Variants in MOB3B observed in about 807,000 individuals in gnomAD.
MOB3B encodes the protein MOB kinase activator 3B.
A neutral mutation model predicts 18.7 loss-of-function variants in MOB3B; 7 were observed. That is an observed-to-expected ratio of 0.37 (90% confidence interval 0.21 to 0.70). The LOEUF is 0.70. MOB3B is among the 30% of genes least tolerant of loss of function. The probability of loss-of-function intolerance (pLI) is 0.52; values close to 1 mark genes in which losing one functional copy is unlikely to be tolerated. For missense variants in MOB3B, 253 were observed against 281.3 expected (o/e 0.90, Z 0.72); for synonymous variants, 111 against 99.9 (o/e 1.11, Z -0.66).
intron 2 of MOB3B, among the ~76,000 whole-genome samples, chr9:27,426,269 T>A (rs1344881021): frequency 6.6e-6 from 1 of 152,216 alleles, no homozygotes; most frequent in African/African-American, 2.4e-5. Flanking sequence ...ACATTGAGTG[T>A]TACTCAAACC....
At chr9:27,454,595 A>T (rs1163753107) in intron 2 of MOB3B, among the ~76,000 whole-genome samples, 1 of 152,244 alleles carries the variant, frequency 6.6e-6, no homozygotes, top group African/African-American at 2.4e-5. Flanking sequence ...TATCCAGAAG[A>T]TACGCAAGGG....
intron 2 of MOB3B, among the ~76,000 whole-genome samples, chr9:27,422,394 G>A (rs186034001): frequency 1.3e-5 from 2 of 152,262 alleles, no homozygotes; most frequent in African/African-American, 4.8e-5. Flanking sequence ...GAGGCATTTG[G>A]TAAATGTGAA....
At chr9:27,503,156 T>C (rs537567241) in intron 1 of MOB3B, among the ~76,000 whole-genome samples, 1 of 152,090 alleles carries the variant, frequency 6.6e-6, no homozygotes, top group East Asian at 1.9e-4. Flanking sequence ...AGGAAGAACA[T>C]GACACACGTG....
Position 27,400,902 on chromosome 9 carries a change from T to C in MOB3B, c.419-41666A>G, listed in dbSNP as rs543915101. The stretch of plus-strand genomic sequence containing the variant: ...TAGGCTTCTGTGGAGAAGGCAAAAG[T>C]ATCTGAGACCCATAAGTAGGACATC... On this transcript the variant is annotated intron_variant, in intron 2 of 3. Coordinates refer to ENST00000262244, the MANE Select transcript of MOB3B (RefSeq NM_024761.5). Among the ~76,000 whole-genome samples, 3 of 152,360 alleles carry C rather than the reference T, an allele frequency of 2.0e-5. No individual in the cohort carries two copies. In the East Asian group the frequency reaches 5.8e-4, roughly 29 times the overall value.
chr9:27,514,726 C>T (rs1000271889), intron 1 of MOB3B, among the ~76,000 whole-genome samples: 1 of 152,196 alleles, frequency 6.6e-6, no homozygotes, highest in African/African-American at 2.4e-5. Context: ...AATGCTATCC[C>T]AAGCCAGCAG....
intron 1 of MOB3B, among the ~76,000 whole-genome samples, chr9:27,511,778 T>C (rs889688974): frequency 6.6e-6 from 1 of 152,202 alleles, no homozygotes; most frequent in Non-Finnish European, 1.5e-5. Flanking sequence ...TGGGCATCTA[T>C]AATGTGCCCC....
intron 1 of MOB3B, among the ~76,000 whole-genome samples, chr9:27,469,309 C>T (rs964071913): frequency 6.6e-6 from 1 of 152,026 alleles, no homozygotes; most frequent in Non-Finnish European, 1.5e-5. Context: ...TGTATCATCT[C>T]ACCTCCTTTA....
intron 2 of MOB3B, among the ~76,000 whole-genome samples, chr9:27,448,162 T>C (rs1822722147): frequency 6.6e-6 from 1 of 152,218 alleles, no homozygotes; most frequent in Non-Finnish European, 1.5e-5. Context: ...GCATGGGCTT[T>C]GGAGTTGAGA....
At chr9:27,492,654 C>CT (rs1819835826) in intron 1 of MOB3B, among the ~76,000 whole-genome samples, 1 of 152,214 alleles carries the variant, frequency 6.6e-6, no homozygotes, top group Non-Finnish European at 1.5e-5. Context: ...ACAGCAATTA[C>CT]TAATTGCATC....
intron 2 of MOB3B, among the ~76,000 whole-genome samples, chr9:27,449,084 C>A (rs1302358328): frequency 6.6e-6 from 1 of 152,176 alleles, no homozygotes; most frequent in Non-Finnish European, 1.5e-5. Flanking sequence ...GAAGACACTT[C>A]CTAGTAGATG....
chr9:27,450,430 A>T (rs894698038), intron 2 of MOB3B, among the ~76,000 whole-genome samples: 3 of 152,190 alleles, frequency 2.0e-5, no homozygotes, highest in South Asian at 4.1e-4. Context: ...TCTGCTGCCC[A>T]GTCTTAGAAT....
intron 3 of MOB3B, among the ~76,000 whole-genome samples, chr9:27,333,138 T>G (rs1448312793): frequency 1.3e-5 from 2 of 151,994 alleles, no homozygotes; most frequent in African/African-American, 4.8e-5. Context: ...AGAGTAACAG[T>G]TTCAGAGAGG....
chr9:27,355,025 T>C (rs1027902554), intron 3 of MOB3B, among the ~76,000 whole-genome samples: 4 of 152,250 alleles, frequency 2.6e-5, no homozygotes, highest in African/African-American at 9.6e-5. Context: ...AAATGAAGCT[T>C]TGAAAAGCCA....
intron 2 of MOB3B, among the ~76,000 whole-genome samples, chr9:27,372,934 T>C (rs1044227980): frequency 6.6e-6 from 1 of 152,214 alleles, no homozygotes; most frequent in African/African-American, 2.4e-5. Context: ...TACTGGAAAC[T>C]GGGTGAGGGA....
intron 1 of MOB3B, among the ~76,000 whole-genome samples, chr9:27,489,852 A>G (rs893140332): frequency 4.1e-5 from 6 of 148,128 alleles, no homozygotes; most frequent in African/African-American, 9.9e-5. Flanking sequence ...ACACAAATGT[A>G]TCTCTAAAAC....
chr9:27,445,621 G>A (rs1822678305), intron 2 of MOB3B, among the ~76,000 whole-genome samples: 1 of 152,072 alleles, frequency 6.6e-6, no homozygotes, highest in Non-Finnish European at 1.5e-5. Flanking sequence ...CTTATCTGAG[G>A]GCCATAATAG....
intron 1 of MOB3B, among the ~76,000 whole-genome samples, chr9:27,504,367 C>A (rs1393100733): frequency 1.3e-5 from 2 of 152,214 alleles, no homozygotes; most frequent in Non-Finnish European, 2.9e-5. Flanking sequence ...CCTACAACAA[C>A]CCTGTTCAAA....
chr9:27,387,467 T>A (rs1821664516), intron 2 of MOB3B, among the ~76,000 whole-genome samples: 1 of 152,186 alleles, frequency 6.6e-6, no homozygotes, highest in South Asian at 2.1e-4. Context: ...AAAATGAGAA[T>A]CATAATAATA....
At chr9:27,373,459 A>G (rs749523221) in intron 2 of MOB3B, among the ~76,000 whole-genome samples, 3 of 152,270 alleles carry the variant, frequency 2.0e-5, no homozygotes, top group Non-Finnish European at 2.9e-5. Flanking sequence ...GTTAAATTGA[A>G]TAAGGTCATG....
Sources: allele counts gnomAD v4.1 joint callset (sites outside exome capture counted in the v4.1 genomes callset), GRCh38; gene constraint gnomAD v4.1.1; transcripts MANE v1.5; gene names NCBI Gene and HGNC (gene_info 2026-07-23, HGNC 2026-07-21).